ST14: variants seen among roughly 807,000 people sequenced by gnomAD.
ST14 encodes the protein suppressor of tumorigenicity 14 protein.
In ST14, 40 loss-of-function variants were observed where a neutral mutation model predicts 96.5. The ratio of observed to expected loss-of-function variants is 0.41; its 90% confidence interval spans 0.32 to 0.54. The LOEUF is 0.54. Among genes scored for constraint, ST14 ranks in the 20% least tolerant of loss-of-function variants. ST14 has a pLI of 0.17. For synonymous variants in ST14, 506 were observed against 492.1 expected (o/e 1.03, Z -0.37); for missense variants, 1,066 against 1,188.9 (o/e 0.90, Z 1.52).
chr11:130,186,316 G>C (rs1953237682), intron 1 of ST14, among the ~76,000 whole-genome samples: 1 of 152,196 alleles, frequency 6.6e-6, no homozygotes, highest in Non-Finnish European at 1.5e-5. Flanking sequence ...CCACCACAAT[G>C]AAGTGTAAAC....
intron 8 of ST14, 87 bp downstream of exon 8, chr11:130,194,375 C>T: frequency 6.4e-7 from 1 of 1,565,666 alleles, no homozygotes; most frequent in Non-Finnish European, 8.7e-7. Context: ...CTTAGGAGGC[C>T]ACAGGCTAGA....
chr11:130,205,753 C>T (rs1239900711), intron 16 of ST14, among the ~76,000 whole-genome samples: 3 of 131,546 alleles, frequency 2.3e-5, no homozygotes, highest in Non-Finnish European at 3.1e-5. Flanking sequence ...GTCTGGAGTG[C>T]AGTGGCACAA....
rs933046263 is a variant in ST14 at position 130,188,887 on chromosome 11, G to A, written c.388G>A (p.Gly130Arg). 2.5e-6 allele frequency: 4 copies of A among 1,612,984 alleles called. No homozygotes were observed. The highest frequency in any genetic ancestry group is 2.2e-5 in the East Asian group (1 of 44,850). ...VKDALKLLYS[G>R]VPFLGPYHKE... ...TCCTCAGCTGAAGCTGCTGTACAGC[G>A]GAGTCCCATTCCTGGGCCCCTACCA... Residue 130 changes from glycine (G) to arginine (R), a missense_variant, in exon 4 of 19, where the codon GGA becomes AGA. Gly to Arg is a moderately radical substitution (Grantham distance 125). Coordinates refer to ENST00000278742, the MANE Select transcript of ST14 (RefSeq NM_021978.4). The surrounding 1 kb of genome is among the most constrained non-coding windows in gnomAD (Gnocchi z 5.4).
chr11:130,190,740 G>T (rs1215403422), intron 7 of ST14, 46 bp downstream of exon 7: 1 of 1,526,608 alleles, frequency 6.6e-7, no homozygotes, highest in Non-Finnish European at 8.8e-7. Flanking sequence ...CTTGGCGGCT[G>T]CCCTGTAGGG....
chr11:130,160,652 G>C (rs2136199049), intron 1 of ST14, among the ~76,000 whole-genome samples: 1 of 152,324 alleles, frequency 6.6e-6, no homozygotes, highest in South Asian at 2.1e-4. Flanking sequence ...GTATGGGAAG[G>C]GATGTGGGAA....
At chr11:130,199,775 T>C (rs78813863) in intron 15 of ST14, among the ~76,000 whole-genome samples, 176 bp from the exon 16 acceptor site, 3,562 of 152,322 alleles carry the variant, frequency 0.023, 133 homozygotes, top group African/African-American at 0.079. Context: ...GAAGGGAGTC[T>C]GTGAAGCTCA....
In ST14 at chr11:130,197,873, C is replaced by A; in HGVS notation, c.1387C>A (p.Arg463=). The A allele has an allele frequency of 6.3e-7, 1 of 1,592,384 alleles. No individual in the cohort carries two copies. Among genetic ancestry groups the A allele is most frequent in the South Asian group, 1.1e-5 (1 of 88,378 alleles). ...GGGGCAGTTCACGTGCCGCACGGGG[C>A]GGTGTATCCGGAAGGAGCTGCGCTG... ...CPGQFTCRTG[R]CIRKELRCDG... The change falls in exon 12 of 19, where the codon CGG becomes AGG. Residue 463 remains arginine (R), a synonymous_variant. Coordinates refer to ENST00000278742, the MANE Select transcript of ST14 (RefSeq NM_021978.4).
chr11:130,169,092 G>GTTTTTTTT (rs59747710), intron 1 of ST14, among the ~76,000 whole-genome samples: 1 of 112,322 alleles, frequency 8.9e-6, no homozygotes, highest in African/African-American at 4.2e-5. Context: ...AATATAATGG[G>GTTTTTTTT]TTTTTTTTTT....
At chr11:130,193,237 G>A (rs936439768) in intron 7 of ST14, among the ~76,000 whole-genome samples, 2 of 151,846 alleles carry the variant, frequency 1.3e-5, no homozygotes, top group African/African-American at 2.4e-5. Context: ...GCAGGCAAGC[G>A]CCACCATGCC....
Position 130,209,659 on chromosome 11 carries a change from C to T in ST14, c.2407-3C>T, listed in dbSNP as rs376516209. 22 of 1,609,844 alleles carry T rather than the reference C, an allele frequency of 1.4e-5. No individual in the cohort carries two copies. Among genetic ancestry groups the T allele is most frequent in the Non-Finnish European group, 1.9e-5 (22 of 1,178,424 alleles). ...ACTCACGGCAGGGCTTGTCTCCGCC[C>T]AGGGTGATTCCGGGGGACCCCTGTC... On this transcript the variant is annotated splice_region_variant and splice_polypyrimidine_tract_variant and intron_variant, in intron 18 of 18. Transcript: ENST00000278742.
At chr11:130,179,612 C>T (rs1388042633) in intron 1 of ST14, among the ~76,000 whole-genome samples, 1 of 152,118 alleles carries the variant, frequency 6.6e-6, no homozygotes, top group African/African-American at 2.4e-5. Flanking sequence ...TTCCCCGGGG[C>T]TGCTGATTTA....
Position 130,188,826 on chromosome 11 carries a change from C to T in ST14, c.370-43C>T, listed in dbSNP as rs1281263985. The T allele has an allele frequency of 6.2e-7, 1 of 1,606,232 alleles. No homozygotes were observed. Among genetic ancestry groups the T allele is most frequent in the Non-Finnish European group, 8.5e-7 (1 of 1,176,112 alleles). ...GAGCAGCCCGGGCTTGGGGCAGGGTCATCGCCGCATGGGGCTCACCTTGAG... is the reference window on the plus strand; with the variant it reads ...GAGCAGCCCGGGCTTGGGGCAGGGTTATCGCCGCATGGGGCTCACCTTGAG... On this transcript the variant is annotated intron_variant, in intron 3 of 18. Coordinates refer to ENST00000278742, the MANE Select transcript of ST14 (RefSeq NM_021978.4). This position sits in a 1 kb window ranked among gnomAD's most constrained non-coding sequence, Gnocchi z 5.4.
At chr11:130,164,883 A>C (rs1200601623) in intron 1 of ST14, among the ~76,000 whole-genome samples, 1 of 151,946 alleles carries the variant, frequency 6.6e-6, no homozygotes, top group Non-Finnish European at 1.5e-5. Context: ...GATTACAGGC[A>C]TGCACCACCA....
chr11:130,190,541 A>G lies in ST14; in HGVS notation c.722A>G (p.His241Arg). The change falls in exon 7 of 19, where the codon CAT (histidine) becomes CGT (arginine). Residue 241 changes from histidine (H) to arginine (R), a missense_variant. Physicochemically the swap from His to Arg is conservative, Grantham distance 29 (BLOSUM62 0). Coordinates refer to ENST00000278742, the MANE Select transcript of ST14 (RefSeq NM_021978.4). ...PGFPDSPYPAHARCQWALRGD... is the reference protein window; with the variant it reads ...PGFPDSPYPARARCQWALRGD... ...TTCCCTGACAGCCCCTACCCCGCTC[A>G]TGCCCGCTGCCAGTGGGCCCTGCGG... 1 of 1,611,808 alleles carries G rather than the reference A, an allele frequency of 6.2e-7. No homozygotes were observed. The highest frequency in any genetic ancestry group is 8.5e-7 in the Non-Finnish European group (1 of 1,179,820).
chr11:130,210,074 GAC>G lies in ST14; in HGVS notation c.*255_*256del. On this transcript the variant is annotated 3_prime_UTR_variant, in exon 19 of 19. Transcript: ENST00000278742. ...ACCCAACTGGGGGCAAAGGTTTGAA[GAC>G]ACAGCCTCCCCCGCCAGCCCCAAGC... 2 of 531,232 alleles carry G rather than the reference GAC, an allele frequency of 3.8e-6. No homozygotes were observed. The highest frequency in any genetic ancestry group is 1.9e-5 in the African/African-American group (1 of 52,660). The allele number at this position is 531,232 out of a possible 1,614,324, so 32.9% of individuals were successfully genotyped here.
At chr11:130,176,788 CTTTTTTTT>C (rs56764956) in intron 1 of ST14, among the ~76,000 whole-genome samples, 28 of 59,242 alleles carry the variant, frequency 4.7e-4, no homozygotes, top group Non-Finnish European at 2.0e-4. Context: ...TAGGGCTTAA[CTTTTTTTT>C]TTTTTTTTTT....
chr11:130,198,260 A>T (rs1953388686), intron 12 of ST14, 48 bp from the exon 13 acceptor site: 1 of 1,541,136 alleles, frequency 6.5e-7, no homozygotes, highest in Non-Finnish European at 9.0e-7. Context: ...CTGGGGAAGC[A>T]GTGAGTGATG....
intron 17 of ST14, 28 bp downstream of exon 17, chr11:130,208,712 G>C: frequency 6.2e-7 from 1 of 1,603,104 alleles, no homozygotes; most frequent in East Asian, 2.2e-5. Flanking sequence ...CTAGGGCTCC[G>C]CAGAGGGCCT....
chr11:130,172,709 G>A (rs927023060), intron 1 of ST14, among the ~76,000 whole-genome samples: 3 of 152,122 alleles, frequency 2.0e-5, no homozygotes, highest in African/African-American at 4.8e-5. Context: ...GAACCACCGC[G>A]CCCGGCCATT....
Sources: gnomAD v4.1 joint callset for allele counts (sites outside exome capture counted in the v4.1 genomes callset) on GRCh38, gnomAD v4.1.1 for gene constraint, Gnocchi (gnomAD v3.1) non-coding constraint, MANE v1.5 for transcripts, NCBI Gene and HGNC (gene_info 2026-07-23, HGNC 2026-07-21) for gene names.